UVRAG: variants seen among roughly 807,000 people sequenced by gnomAD.
The protein encoded by UVRAG is UV radiation resistance-associated gene protein.
A neutral mutation model predicts 78.0 loss-of-function variants in UVRAG; 19 were observed. The ratio of observed to expected loss-of-function variants is 0.24; its 90% CI spans 0.17 to 0.36. The LOEUF (loss-of-function observed/expected upper bound fraction) is 0.36. Among genes scored for constraint, UVRAG ranks in the 10% least tolerant of loss-of-function variants. The pLI is 1.00. For synonymous variants in UVRAG, 323 were observed against 324.6 expected (o/e 1.00, Z 0.05); for missense variants, 740 against 853.8 (o/e 0.87, Z 1.66).
chr11:75,826,179 C>T (rs1051628991), intron 1 of UVRAG, among the ~76,000 whole-genome samples: 11 of 150,338 alleles, frequency 7.3e-5, no homozygotes, highest in African/African-American at 2.0e-4. Flanking sequence ...TCTTTTAAGA[C>T]GGAGTCTTGC....
At chr11:75,822,368 A>C (rs1276125223) in intron 1 of UVRAG, among the ~76,000 whole-genome samples, 2 of 152,232 alleles carry the variant, frequency 1.3e-5, no homozygotes, top group Admixed American at 6.5e-5. Context: ...CTGACATTAG[A>C]TGTGTGGGGC....
intron 13 of UVRAG, among the ~76,000 whole-genome samples, chr11:76,074,213 A>G (rs1293679044): frequency 1.3e-5 from 2 of 152,202 alleles, no homozygotes. Context: ...TCATTTTAAG[A>G]GTATAAAGGG....
At chr11:75,985,154 C>CTTTTTTT (rs796594987) in intron 8 of UVRAG, among the ~76,000 whole-genome samples, 3 of 128,602 alleles carry the variant, frequency 2.3e-5, no homozygotes, top group African/African-American at 8.4e-5. Context: ...AATTTCTTTT[C>CTTTTTTT]TTTTTTTTTT....
chr11:75,936,535 A>T (rs1236841784), intron 6 of UVRAG, among the ~76,000 whole-genome samples: 1 of 152,180 alleles, frequency 6.6e-6, no homozygotes, highest in Non-Finnish European at 1.5e-5. Context: ...TGGTAGTATA[A>T]GTATTTATTT....
intron 8 of UVRAG, among the ~76,000 whole-genome samples, chr11:75,987,852 C>G (rs1401731030): frequency 6.6e-6 from 1 of 152,094 alleles, no homozygotes; most frequent in Non-Finnish European, 1.5e-5. Flanking sequence ...ATTATCCTGC[C>G]TCAGCCTCCC....
intron 12 of UVRAG, among the ~76,000 whole-genome samples, chr11:76,039,378 A>C (rs1045642357): frequency 6.6e-6 from 1 of 152,256 alleles, no homozygotes; most frequent in East Asian, 1.9e-4. Context: ...CATTAGACTT[A>C]ATAGTGAAAC....
At chr11:75,891,820 G>A (rs1204564007) in intron 5 of UVRAG, among the ~76,000 whole-genome samples, 3 of 152,202 alleles carry the variant, frequency 2.0e-5, no homozygotes, top group Middle Eastern at 3.4e-3. Context: ...GGGCTGAGGC[G>A]GGAGGATTGC....
intron 7 of UVRAG, among the ~76,000 whole-genome samples, chr11:75,966,054 G>A (rs1490879453): frequency 6.6e-6 from 1 of 152,066 alleles, no homozygotes; most frequent in Non-Finnish European, 1.5e-5. Context: ...TAGTTTCTGA[G>A]AGTTTTTATC....
At chr11:76,087,498 C>G (rs751005435) in intron 13 of UVRAG, among the ~76,000 whole-genome samples, 2 of 152,084 alleles carry the variant, frequency 1.3e-5, no homozygotes, top group Non-Finnish European at 2.9e-5. Context: ...AGATGATAAT[C>G]ATAATTACTG....
At chr11:76,121,330 T>C (rs1952271475) in intron 14 of UVRAG, among the ~76,000 whole-genome samples, 1 of 152,216 alleles carries the variant, frequency 6.6e-6, no homozygotes. Context: ...TATAACCTAG[T>C]CGTAACTGCC....
At chr11:75,833,181 A>G (rs1402312988) in intron 1 of UVRAG, among the ~76,000 whole-genome samples, 2 of 152,200 alleles carry the variant, frequency 1.3e-5, no homozygotes, top group Non-Finnish European at 2.9e-5. Context: ...GTTTTTCAGA[A>G]CACCTGTATA....
chr11:75,901,855 C>G (rs570912157), intron 5 of UVRAG, among the ~76,000 whole-genome samples: 1 of 152,242 alleles, frequency 6.6e-6, no homozygotes, highest in South Asian at 2.1e-4. Flanking sequence ...TAGCTAAGGC[C>G]TCATTTCTAT....
Position 75,877,166 on chromosome 11 carries a change from G to A in UVRAG, c.271-2713G>A, listed in dbSNP as rs1017818816. On this transcript the variant is annotated intron_variant, in intron 3 of 14. Transcript: ENST00000356136. ...GTTTCAGAGAGCACAGGGTTGGGGG[G>A]TAAGGTCACAGATCAACAGGATCCC... is the stretch of plus-strand genomic sequence containing the variant. Among the ~76,000 whole-genome samples, 75 of 152,024 alleles carry A rather than the reference G, an allele frequency of 4.9e-4. 1 individual carries two copies. The highest frequency in any genetic ancestry group is 1.2e-3 in the African/African-American group (51 of 41,362).
chr11:75,864,247 G>C (rs886246934), intron 3 of UVRAG, among the ~76,000 whole-genome samples: 4 of 151,986 alleles, frequency 2.6e-5, no homozygotes, highest in Admixed American at 6.6e-5. Context: ...GTAGAGACAG[G>C]GTTTCACCAT....
chr11:75,834,694 G>A (rs1945741115), intron 1 of UVRAG, among the ~76,000 whole-genome samples: 1 of 152,026 alleles, frequency 6.6e-6, no homozygotes, highest in African/African-American at 2.4e-5. Flanking sequence ...CGTGCCTGTA[G>A]TCCTGGTTAC....
rs762971586 is a variant in UVRAG, at chr11:75,890,421, G to A, written c.507+1518G>A. Among the ~76,000 whole-genome samples the A allele has an allele frequency of 4.5e-4, 68 of 152,324 alleles. No homozygotes were observed. The Middle Eastern group carries it at 0.01, about 23-fold the overall frequency. On this transcript the variant is annotated intron_variant, in intron 5 of 14. Coordinates refer to ENST00000356136, the MANE Select transcript of UVRAG (RefSeq NM_003369.4). ...GTAGATAAAATCATTAGGACTTGCT[G>A]ATGATTTGAATTTAAGGCATAAGAA...
intron 6 of UVRAG, among the ~76,000 whole-genome samples, chr11:75,928,819 G>A (rs764021080): frequency 1.3e-4 from 19 of 151,286 alleles, no homozygotes; most frequent in Non-Finnish European, 2.1e-4. Context: ...GTGGGCGCCC[G>A]TAGTCCCAGC....
intron 13 of UVRAG, among the ~76,000 whole-genome samples, chr11:76,066,506 T>C (rs1464804018): frequency 6.6e-6 from 1 of 152,180 alleles, no homozygotes; most frequent in Non-Finnish European, 1.5e-5. Context: ...GGAGTCTTGC[T>C]GTGTCACCCA....
chr11:76,036,750 G>A (rs888903012), intron 12 of UVRAG, among the ~76,000 whole-genome samples: 1 of 150,434 alleles, frequency 6.6e-6, no homozygotes, highest in Non-Finnish European at 1.5e-5. Context: ...AAAAAACACA[G>A]ACAATATTAA....
Sources: allele counts gnomAD v4.1 joint callset (sites outside exome capture counted in the v4.1 genomes callset), GRCh38; gene constraint gnomAD v4.1.1; transcripts MANE v1.5; gene names NCBI Gene and HGNC (gene_info 2026-07-23, HGNC 2026-07-21).